The following RICTOR variants were observed in gnomAD, a reference collection of about 807,000 sequenced individuals.
RICTOR encodes RPTOR independent companion of MTOR complex 2.
In RICTOR, 49 loss-of-function variants were observed where a neutral mutation model predicts 214.9. The observed-to-expected ratio is 0.23, with a 90% CI of 0.18 to 0.29. RICTOR has a LOEUF of 0.29. RICTOR is among the 10% of genes least tolerant of loss of function. RICTOR has a pLI of 1.00. For missense variants in RICTOR, 1,625 were observed against 2,047.0 expected, an observed-to-expected ratio of 0.79 and a Z score of 3.98; for synonymous variants, 717 against 711.3, an observed-to-expected ratio of 1.01 and a Z score of -0.13.
intron 2 of RICTOR, among the ~76,000 whole-genome samples, chr5:39,071,231 A>G (rs1759295854): frequency 6.6e-6 from 1 of 152,216 alleles, no homozygotes; most frequent in Non-Finnish European, 1.5e-5. Context: ...TGAATATAAC[A>G]TACTGCACTT....
chr5:38,962,630 C>T (rs1233181239), intron 17 of RICTOR, 44 bp from the exon 18 acceptor site: 4 of 1,089,156 alleles, frequency 3.7e-6, no homozygotes. Context: ...GGCAAACTGT[C>T]CTCATATCAG....
At chr5:39,004,065 T>C (rs556844607) in intron 3 of RICTOR, among the ~76,000 whole-genome samples, 6 of 152,326 alleles carry the variant, frequency 3.9e-5, no homozygotes, top group South Asian at 2.1e-4. Flanking sequence ...TTAAAAACTA[T>C]ACCGTATTAC....
At chr5:38,955,461 T>C (rs951041264) in intron 26 of RICTOR, 134 bp downstream of exon 26, 39 of 621,236 alleles carry the variant, frequency 6.3e-5, no homozygotes, top group Non-Finnish European at 9.2e-5. Context: ...TGAATGCCAC[T>C]GAATTTTTGA....
intron 3 of RICTOR, among the ~76,000 whole-genome samples, chr5:39,016,817 G>A (rs1332476476): frequency 6.6e-6 from 1 of 152,148 alleles, no homozygotes; most frequent in Admixed American, 6.6e-5. Context: ...CACTGGAAAT[G>A]TAGTTAGTCT....
intron 2 of RICTOR, among the ~76,000 whole-genome samples, chr5:39,055,731 G>A (rs189621519): frequency 5.3e-5 from 8 of 152,280 alleles, no homozygotes; most frequent in Middle Eastern, 3.4e-3. Context: ...TCAACACTGC[G>A]AGGGAAGATT....
chr5:39,026,645 G>A (rs1345302261), intron 2 of RICTOR, among the ~76,000 whole-genome samples: 1 of 151,530 alleles, frequency 6.6e-6, no homozygotes, highest in Non-Finnish European at 1.5e-5. Context: ...TCCTTCCATC[G>A]AGGAGTTGCC....
intron 2 of RICTOR, among the ~76,000 whole-genome samples, chr5:39,051,041 ATACACACACACACACACACACACGCACC>A (rs1400090120): frequency 5.1e-5 from 5 of 97,230 alleles, no homozygotes; most frequent in African/African-American, 1.2e-4. Context: ...ATACATATAT[ATACACACACACACACACACACACGCACC>A]TACACACACA....
chr5:39,063,144 T>C (rs1338377454), intron 2 of RICTOR, among the ~76,000 whole-genome samples: 2 of 152,078 alleles, frequency 1.3e-5, no homozygotes, highest in Non-Finnish European at 2.9e-5. Flanking sequence ...GCAAGACATA[T>C]GCACTACAAA....
intron 3 of RICTOR, among the ~76,000 whole-genome samples, chr5:39,019,522 C>T (rs1755232902): frequency 6.6e-6 from 1 of 152,112 alleles, no homozygotes; most frequent in Non-Finnish European, 1.5e-5. Context: ...TGGAACAAGG[C>T]CTGGATGACA....
chr5:38,976,126 T>C (rs75824036), intron 9 of RICTOR, among the ~76,000 whole-genome samples: 3,507 of 152,166 alleles, frequency 0.023, 139 homozygotes, highest in African/African-American at 0.08. Flanking sequence ...TACCCAACTG[T>C]TTCCATTATT....
Position 38,966,636 on chromosome 5 carries a change from C to G in RICTOR, c.1299+5G>C. The G allele has an allele frequency of 6.9e-7, 1 of 1,450,988 alleles. No individual in the cohort carries two copies. The highest frequency in any genetic ancestry group is 9.6e-7 in the Non-Finnish European group (1 of 1,041,412). The allele number at this position is 1,450,988 out of a possible 1,614,324, so 89.9% of individuals were successfully genotyped here. On this transcript the variant is annotated splice_donor_5th_base_variant and intron_variant, in intron 15 of 37. Transcript: ENST00000357387. ...AAACATATAATCAGAAGTTGCTAAACTTACCATATGTAAAAGCTCTCCTAA... is the reference window on the plus strand; with the variant it reads ...AAACATATAATCAGAAGTTGCTAAAGTTACCATATGTAAAAGCTCTCCTAA...
chr5:39,062,326 A>C (rs886353190), intron 2 of RICTOR, among the ~76,000 whole-genome samples: 1 of 152,106 alleles, frequency 6.6e-6, no homozygotes. Flanking sequence ...GCTAAATGTT[A>C]AGAGTTCACA....
In RICTOR at chr5:39,000,462, T is replaced by G. The variant is rs182922668; in HGVS notation, c.392+2073A>C. 5.9e-3 allele frequency among the ~76,000 whole-genome samples: 900 copies of G among 151,972 alleles called. 12 individuals are homozygous for G. The highest frequency in any genetic ancestry group is 0.021 in the African/African-American group (862 of 41,512). On this transcript the variant is annotated intron_variant, in intron 5 of 37. Coordinates refer to ENST00000357387, the MANE Select transcript of RICTOR (RefSeq NM_152756.5). Reference sequence around the variant, plus strand: ...AGTTACATATAAAGAGAACAATATATCACAAATAGTGGTGTTTATTTAAAG... The same window carrying G: ...AGTTACATATAAAGAGAACAATATAGCACAAATAGTGGTGTTTATTTAAAG...
rs776520418 is a variant in RICTOR at position 38,952,228 on chromosome 5, C to G, written c.3095G>C (p.Arg1032Thr). The G allele has an allele frequency of 6.2e-7, 1 of 1,611,890 alleles. No individual in the cohort carries two copies. The highest frequency in any genetic ancestry group is 8.5e-7 in the Non-Finnish European group (1 of 1,178,332). The change falls in exon 30 of 38, where the codon AGA becomes ACA. Residue 1032 changes from arginine (R) to threonine (T), a missense_variant. Arg to Thr is a moderately conservative substitution (Grantham distance 71, BLOSUM62 -1). Transcript: ENST00000357387. ...CACAGATTCACTTTCACTATTATGT[C>G]TAGAGCTGGTTGACTCCGAGTTCAA... ...LSLNSESTSS[R>T]HNSESESVPS...
chr5:38,963,086 T>A (rs2150024898), intron 16 of RICTOR, 45 bp from the exon 17 acceptor site: 1 of 1,376,704 alleles, frequency 7.3e-7, no homozygotes, highest in Non-Finnish European at 1.0e-6. Context: ...AAGACCAATA[T>A]AATTTAAGAG....
intron 7 of RICTOR, among the ~76,000 whole-genome samples, chr5:38,986,060 T>G (rs146033888): frequency 1.3e-5 from 2 of 152,238 alleles, no homozygotes; most frequent in African/African-American, 4.8e-5. Context: ...CAAGAATGAT[T>G]TGGTTTGGCT....
intron 3 of RICTOR, among the ~76,000 whole-genome samples, chr5:39,016,189 T>C (rs1053204379): frequency 2.0e-5 from 3 of 151,872 alleles, no homozygotes; most frequent in African/African-American, 7.3e-5. Context: ...GAGGGATATA[T>C]GAAAATCATT....
At chr5:39,072,182 C>T (rs1484081375) in intron 2 of RICTOR, among the ~76,000 whole-genome samples, 2 of 152,112 alleles carry the variant, frequency 1.3e-5, no homozygotes, top group African/African-American at 4.8e-5. Context: ...AACTGAAGTA[C>T]ATTTTGTCAG....
chr5:39,056,200 C>CT (rs2150196775), intron 2 of RICTOR, among the ~76,000 whole-genome samples: 1 of 152,326 alleles, frequency 6.6e-6, no homozygotes, highest in East Asian at 1.9e-4. Flanking sequence ...TTACCCAGCA[C>CT]TTACTATGTC....
Sources: allele counts gnomAD v4.1 joint callset (sites outside exome capture counted in the v4.1 genomes callset), GRCh38; gene constraint gnomAD v4.1.1; transcripts MANE v1.5; gene names NCBI Gene and HGNC (gene_info 2026-07-23, HGNC 2026-07-21).